The following SRGAP2 variants were observed in gnomAD, a reference collection of about 807,000 sequenced individuals.
SRGAP2 encodes SLIT-ROBO Rho GTPase activating protein 2.
In SRGAP2, 15 loss-of-function variants were observed where a neutral mutation model predicts 57.2. The ratio of observed to expected loss-of-function variants is 0.26; its 90% CI spans 0.18 to 0.40. SRGAP2 has a LOEUF of 0.40. Ranked by LOEUF, SRGAP2 falls within the 10% of genes least tolerant of loss-of-function variation. SRGAP2 has a pLI of 1.00. For missense variants in SRGAP2, 520 were observed against 669.6 expected (o/e 0.78, Z 2.47); for synonymous variants, 249 against 248.0 (o/e 1.00, Z -0.04).
intron 2 of SRGAP2, among the ~76,000 whole-genome samples, chr1:206,267,033 A>G (rs1161001519): frequency 2.8e-5 from 4 of 144,586 alleles, no homozygotes; most frequent in African/African-American, 7.8e-5. Context: ...CAGTGGCGCA[A>G]TCTTGGCTCA....
At chr1:206,355,543 G>C (rs1553339131) in intron 4 of SRGAP2, among the ~76,000 whole-genome samples, 1 of 152,100 alleles carries the variant, frequency 6.6e-6, no homozygotes, top group Non-Finnish European at 1.5e-5. Context: ...ATTGTAAGGT[G>C]TTATTCATGG....
chr1:206,261,126 G>A (rs1432979275), intron 2 of SRGAP2, among the ~76,000 whole-genome samples: 1 of 148,248 alleles, frequency 6.7e-6, no homozygotes, highest in Non-Finnish European at 1.5e-5. Context: ...CAGCTGTAGA[G>A]CAATTTAACA....
At chr1:206,301,994 T>A (rs1363964222) in intron 2 of SRGAP2, among the ~76,000 whole-genome samples, 6 of 150,362 alleles carry the variant, frequency 4.0e-5, no homozygotes, top group Non-Finnish European at 8.9e-5. Flanking sequence ...CTAGACCCCC[T>A]CTCCCCATAA....
At chr1:206,374,001 T>TGCG (rs1654967936) in intron 4 of SRGAP2, among the ~76,000 whole-genome samples, 1 of 147,510 alleles carries the variant, frequency 6.8e-6, no homozygotes, top group South Asian at 2.1e-4. Context: ...GCCTGACAAC[T>TGCG]GCGGGTAGAT....
In SRGAP2 at chr1:206,454,426, G is replaced by A. The variant is rs1663634015; in HGVS notation, c.2361-452G>A. On this transcript the variant is annotated intron_variant, in intron 20 of 22. Transcript: ENST00000573034. The surrounding 1 kb of genome is among the most constrained non-coding windows in gnomAD (Gnocchi z 4.3). Reference sequence around the variant, plus strand: ...GCGGGGCTAGAGGCGCTACGACAGTGTGTGGCGGTGTCCTGCCACGACGCC... The same window carrying A: ...GCGGGGCTAGAGGCGCTACGACAGTATGTGGCGGTGTCCTGCCACGACGCC... 3.8e-6 allele frequency: 2 copies of A among 527,680 alleles called. No individual in the cohort carries two copies. The highest frequency in any genetic ancestry group is 5.5e-5 in the South Asian group (2 of 36,276). 32.7% of individuals were successfully genotyped at this position (527,680 alleles called of 1,614,324 possible).
chr1:206,295,911 T>A (rs1188341979), intron 2 of SRGAP2, among the ~76,000 whole-genome samples: 5 of 152,032 alleles, frequency 3.3e-5, no homozygotes, highest in Middle Eastern at 3.4e-3. Context: ...TTATTTATTT[T>A]ATTTTTTTGA....
intron 2 of SRGAP2, among the ~76,000 whole-genome samples, chr1:206,229,696 C>T (rs1304629712): frequency 6.6e-6 from 1 of 152,110 alleles, no homozygotes; most frequent in Admixed American, 6.5e-5. Flanking sequence ...TTTGTCCTCT[C>T]AGAGACTCTA....
At chr1:206,440,735 T>C (rs189126966) in intron 17 of SRGAP2, among the ~76,000 whole-genome samples, 8 of 152,242 alleles carry the variant, frequency 5.3e-5, no homozygotes, top group African/African-American at 1.9e-4. Context: ...TTAGTAGACA[T>C]GGGGTTTCAC....
At chr1:206,370,266 A>AAATT (rs1558355968) in intron 4 of SRGAP2, among the ~76,000 whole-genome samples, 1 of 151,300 alleles carries the variant, frequency 6.6e-6, no homozygotes, top group Non-Finnish European at 1.5e-5. Context: ...ACTCCATCTC[A>AAATT]AAATAAATAA....
chr1:206,342,219 T>G (rs1675252298), intron 3 of SRGAP2, among the ~76,000 whole-genome samples: 1 of 152,174 alleles, frequency 6.6e-6, no homozygotes, highest in Non-Finnish European at 1.5e-5. Context: ...TTTGCCTTTA[T>G]TAAATCCTAC....
At chr1:206,449,295 T>TTTTTTTTG (rs1663048313) in intron 18 of SRGAP2, among the ~76,000 whole-genome samples, 3 of 148,874 alleles carry the variant, frequency 2.0e-5, no homozygotes, top group Non-Finnish European at 4.5e-5. Context: ...GATTTTTTTT[T>TTTTTTTTG]TTTTTTTTTT....
chr1:206,383,694 C>T (rs1655922089), intron 4 of SRGAP2, among the ~76,000 whole-genome samples: 2 of 147,834 alleles, frequency 1.4e-5, no homozygotes, highest in Admixed American at 6.6e-5. Flanking sequence ...CGTGTTCCAC[C>T]TAACAACAGT....
At chr1:206,216,791 T>G (rs1336906221) in intron 2 of SRGAP2, among the ~76,000 whole-genome samples, 1 of 86,900 alleles carries the variant, frequency 1.2e-5, no homozygotes, top group African/African-American at 5.3e-5. Context: ...ATATTCTCTT[T>G]GTTTTTTTGT....
At chr1:206,307,281 C>T (rs1320963816) in intron 3 of SRGAP2, among the ~76,000 whole-genome samples, 3 of 151,114 alleles carry the variant, frequency 2.0e-5, no homozygotes, top group East Asian at 2.0e-4. Flanking sequence ...TTGGTGCACT[C>T]ACAAACCTTG....
rs140158400 is a variant in SRGAP2 at position 206,444,933 on chromosome 1, CA to C, written c.1875-1141del. On this transcript the variant is annotated intron_variant, in intron 17 of 22. Transcript: ENST00000573034. ...AGTCCTGCAGTGATTCGCAAACAGACAGGGGGTACATCTCCAGGAGGGGAGA... is the reference window on the plus strand; with the variant it reads ...AGTCCTGCAGTGATTCGCAAACAGACGGGGGTACATCTCCAGGAGGGGAGA... Among the ~76,000 whole-genome samples, 1,388 of 152,270 alleles carry C rather than the reference CA, an allele frequency of 9.1e-3. 21 individuals carry two copies. Among genetic ancestry groups the C allele is most frequent in the African/African-American group, 0.032 (1,326 of 41,550 alleles).
chr1:206,450,913 A>T (rs1663221111), intron 19 of SRGAP2, among the ~76,000 whole-genome samples: 1 of 151,592 alleles, frequency 6.6e-6, no homozygotes, highest in African/African-American at 2.4e-5. Flanking sequence ...AGAATTCAAG[A>T]CCAGCCTAGG....
At chr1:206,229,966 A>C (rs1477534551) in intron 2 of SRGAP2, among the ~76,000 whole-genome samples, 8 of 148,542 alleles carry the variant, frequency 5.4e-5, no homozygotes, top group African/African-American at 1.0e-4. Context: ...ACACACACAC[A>C]CCTTACCTTA....
chr1:206,356,886 G>C (rs1341429515), intron 4 of SRGAP2, among the ~76,000 whole-genome samples: 1 of 137,742 alleles, frequency 7.3e-6, no homozygotes, highest in Non-Finnish European at 1.6e-5. Flanking sequence ...TTTTTGTTTT[G>C]TTTTCTTTTT....
chr1:206,427,501 G>A (rs1211563006), intron 13 of SRGAP2, among the ~76,000 whole-genome samples: 4 of 152,166 alleles, frequency 2.6e-5, no homozygotes, highest in Non-Finnish European at 5.9e-5. Context: ...ACTCCCTTTG[G>A]CATCATCCCT....
Sources: allele counts gnomAD v4.1 joint callset (sites outside exome capture counted in the v4.1 genomes callset), GRCh38; gene constraint gnomAD v4.1.1; non-coding constraint Gnocchi (gnomAD v3.1); transcripts MANE v1.5; gene names NCBI Gene and HGNC (gene_info 2026-07-23, HGNC 2026-07-21).